SSBP2: variants seen among roughly 807,000 people sequenced by gnomAD.
The protein encoded by SSBP2 is single stranded DNA binding protein 2.
Under a neutral mutation model 61.8 loss-of-function variants are expected in SSBP2, and 17 were observed. The ratio of observed to expected loss-of-function variants is 0.28; its 90% confidence interval spans 0.19 to 0.41. The LOEUF (loss-of-function observed/expected upper bound fraction) is 0.41. SSBP2 is among the 10% of genes least tolerant of loss of function. The pLI, the probability that SSBP2 is intolerant of heterozygous loss-of-function variation, is 1.00. For synonymous variants in SSBP2, 139 were observed against 141.3 expected (o/e 0.98, Z 0.12); for missense variants, 310 against 458.7 (o/e 0.68, Z 2.96).
intron 4 of SSBP2, among the ~76,000 whole-genome samples, chr5:81,520,102 G>A (rs1163554185): frequency 2.0e-5 from 3 of 150,530 alleles, no homozygotes; most frequent in African/African-American, 7.3e-5. Flanking sequence ...CTCCTGTCTC[G>A]GCCTCCCAAT....
intron 4 of SSBP2, among the ~76,000 whole-genome samples, chr5:81,612,180 T>TA (rs1261841319): frequency 6.6e-6 from 1 of 152,136 alleles, no homozygotes; most frequent in Non-Finnish European, 1.5e-5. Flanking sequence ...GTAACGTGGT[T>TA]AAAAATAAAT....
At chr5:81,748,190 G>A (rs1037956473) in intron 1 of SSBP2, among the ~76,000 whole-genome samples, 13 of 152,132 alleles carry the variant, frequency 8.5e-5, no homozygotes, top group African/African-American at 2.9e-4. Flanking sequence ...TCCTAAGCAT[G>A]CTATTATTTA....
chr5:81,688,576 G>C (rs1752989925), intron 1 of SSBP2, among the ~76,000 whole-genome samples: 1 of 152,154 alleles, frequency 6.6e-6, no homozygotes, highest in African/African-American at 2.4e-5. Context: ...CAGAAAGACT[G>C]TTTGTTTGGA....
intron 1 of SSBP2, among the ~76,000 whole-genome samples, chr5:81,730,635 T>C (rs1455562391): frequency 6.6e-6 from 1 of 152,230 alleles, no homozygotes; most frequent in African/African-American, 2.4e-5. Context: ...CTTGGTATAA[T>C]ATAAGTCATA....
At position 81,728,379 on chromosome 5, in the gene SSBP2, TG is replaced by T. The variant is rs199825583; in HGVS notation, c.62+22601del. On this transcript the variant is annotated intron_variant, in intron 1 of 16. Coordinates refer to ENST00000320672, the MANE Select transcript of SSBP2 (RefSeq NM_012446.5). Reference sequence around the variant, plus strand: ...AATAAATAAAACATTTCATCTAAGATGGCCTCTCTTGTCCTCATTTCATATT... The same window carrying T: ...AATAAATAAAACATTTCATCTAAGATGCCTCTCTTGTCCTCATTTCATATT... Among the ~76,000 whole-genome samples, 753 of 152,344 alleles carry T rather than the reference TG, an allele frequency of 4.9e-3. 2 individuals are homozygous for T. Among genetic ancestry groups the T allele is most frequent in the African/African-American group, 0.016 (681 of 41,576 alleles).
In SSBP2 at chr5:81,715,253, A is replaced by C. The variant is rs767056444; in HGVS notation, c.62+35728T>G. 2.0e-5 allele frequency among the ~76,000 whole-genome samples: 3 copies of C among 152,308 alleles called. No homozygotes were observed. The Middle Eastern group carries it at 0.01, about 518-fold the overall frequency. On this transcript the variant is annotated intron_variant, in intron 1 of 16. Coordinates refer to ENST00000320672, the MANE Select transcript of SSBP2 (RefSeq NM_012446.5). ...TTTTCTAGGTCAAAAGAAGCCACCA[A>C]GTACTCAGGTTGCTACTTGAGAATG... is the stretch of plus-strand genomic sequence containing the variant.
At chr5:81,471,436 T>C (rs1765238647) in intron 8 of SSBP2, among the ~76,000 whole-genome samples, 1 of 151,854 alleles carries the variant, frequency 6.6e-6, no homozygotes, top group African/African-American at 2.4e-5. Context: ...TAATAATAAC[T>C]AAATTACAAG....
intron 9 of SSBP2, among the ~76,000 whole-genome samples, chr5:81,463,365 T>A (rs149632895): frequency 6.6e-6 from 1 of 152,192 alleles, no homozygotes; most frequent in Non-Finnish European, 1.5e-5. Flanking sequence ...AAAATTTCTA[T>A]ATAAGTATGG....
At chr5:81,626,690 C>T (rs1050129716) in intron 3 of SSBP2, among the ~76,000 whole-genome samples, 11 of 151,124 alleles carry the variant, frequency 7.3e-5, no homozygotes, top group African/African-American at 2.7e-4. Flanking sequence ...CAACCACCCC[C>T]TCACCCTACA....
chr5:81,707,014 G>A (rs562296265), intron 1 of SSBP2, among the ~76,000 whole-genome samples: 69 of 152,136 alleles, frequency 4.5e-4, no homozygotes, highest in African/African-American at 1.7e-3. Context: ...TTATAAATAC[G>A]GGTTATTTCC....
intron 10 of SSBP2, among the ~76,000 whole-genome samples, chr5:81,449,457 C>T (rs146938574): frequency 4.7e-4 from 72 of 152,222 alleles, no homozygotes; most frequent in East Asian, 3.7e-3. Flanking sequence ...TCTTTTTTCA[C>T]ACAAGCTTAC....
chr5:81,705,208 T>C (rs931243200), intron 1 of SSBP2, among the ~76,000 whole-genome samples: 3 of 152,132 alleles, frequency 2.0e-5, no homozygotes, highest in Non-Finnish European at 2.9e-5. Flanking sequence ...TTGTGCATAG[T>C]GATAGGGGAG....
chr5:81,634,018 A>G (rs1747973361), intron 3 of SSBP2, among the ~76,000 whole-genome samples: 1 of 152,172 alleles, frequency 6.6e-6, no homozygotes, highest in South Asian at 2.1e-4. Flanking sequence ...AGGTCCCCCA[A>G]CCATCTAAAT....
chr5:81,723,150 C>T (rs1466716022), intron 1 of SSBP2, among the ~76,000 whole-genome samples: 2 of 151,966 alleles, frequency 1.3e-5, no homozygotes, highest in East Asian at 1.9e-4. Flanking sequence ...AAAAGGACTA[C>T]GTTGAATAAC....
intron 1 of SSBP2, among the ~76,000 whole-genome samples, chr5:81,673,716 A>T (rs563321104): frequency 1.6e-4 from 24 of 152,212 alleles, no homozygotes; most frequent in Non-Finnish European, 2.5e-4. Flanking sequence ...CCAAATACTT[A>T]ATAGGTTGTC....
chr5:81,499,761 T>A (rs1300061957), intron 5 of SSBP2, among the ~76,000 whole-genome samples: 1 of 152,190 alleles, frequency 6.6e-6, no homozygotes, highest in East Asian at 1.9e-4. Flanking sequence ...CAATAATTTT[T>A]AAAAATCACC....
intron 4 of SSBP2, among the ~76,000 whole-genome samples, chr5:81,605,544 G>A (rs1414104696): frequency 1.3e-5 from 2 of 151,982 alleles, no homozygotes; most frequent in African/African-American, 2.4e-5. Flanking sequence ...AAACCCGTAA[G>A]AACTATACAT....
At chr5:81,440,283 A>C (rs914781398) in intron 14 of SSBP2, among the ~76,000 whole-genome samples, 2 of 152,216 alleles carry the variant, frequency 1.3e-5, no homozygotes, top group African/African-American at 4.8e-5. Flanking sequence ...TGCCCACAGC[A>C]GCAATGTCTC....
chr5:81,738,159 C>G (rs1756746972), intron 1 of SSBP2, among the ~76,000 whole-genome samples: 1 of 152,108 alleles, frequency 6.6e-6, no homozygotes. Flanking sequence ...AAAAATCAAG[C>G]AAGATGGGTA....
Sources: gnomAD v4.1 joint callset for allele counts (sites outside exome capture counted in the v4.1 genomes callset) on GRCh38, gnomAD v4.1.1 for gene constraint, MANE v1.5 for transcripts, NCBI Gene and HGNC (gene_info 2026-07-23, HGNC 2026-07-21) for gene names.